The following HERC1 variants were observed in gnomAD, a reference collection of about 807,000 sequenced individuals.
HERC1 encodes the protein HECT and RLD domain containing E3 ubiquitin protein ligase family member 1.
HERC1 carries 160 observed loss-of-function variants against 554.3 expected under a neutral mutation model. The ratio of observed to expected loss-of-function variants is 0.29; its 90% confidence interval spans 0.25 to 0.33. The LOEUF (loss-of-function observed/expected upper bound fraction) is 0.33, where lower values mean the gene tolerates loss of function less well. HERC1 is among the 10% of genes least tolerant of loss of function. The pLI is 1.00. For synonymous variants in HERC1, 2,175 were observed against 2,131.7 expected (o/e 1.02, Z -0.56); for missense variants, 4,919 against 5,918.5 (o/e 0.83, Z 5.54).
chr15:63,670,999 C>T (rs1467470872), intron 39 of HERC1, among the ~76,000 whole-genome samples: 1 of 151,872 alleles, frequency 6.6e-6, no homozygotes, highest in African/African-American at 2.4e-5. Context: ...GTTGGGAGTT[C>T]GAGACCAGCC....
Position 63,720,103 on chromosome 15 carries a change from C to CTTTTTTTTTTTTTTTTTTTTTTTTTTT in HERC1, c.3743-1207_3743-1206insAAAAAAAAAAAAAAAAAAAAAAAAAAA, listed in dbSNP as rs573648232. Among the ~76,000 whole-genome samples the CTTTTTTTTTTTTTTTTTTTTTTTTTTT allele has an allele frequency of 2.6e-3, 184 of 71,578 alleles. 53 individuals are homozygous for CTTTTTTTTTTTTTTTTTTTTTTTTTTT. The highest frequency in any genetic ancestry group is 4.5e-3 in the African/African-American group (74 of 16,602). 47.0% of individuals were successfully genotyped at this position (71,578 alleles called of 152,430 possible). ...GGACTAGTCAGGTGCTTTTTCTTCC[C>CTTTTTTTTTTTTTTTTTTTTTTTTTTT]TTTTTTTTTTTTTTTAAGAGACAGG... On this transcript the variant is annotated intron_variant, in intron 19 of 77. Transcript: ENST00000443617.
intron 45 of HERC1, among the ~76,000 whole-genome samples, chr15:63,661,400 T>C (rs185053042): frequency 1.4e-4 from 21 of 152,272 alleles, no homozygotes; most frequent in Non-Finnish European, 2.6e-4. Flanking sequence ...CAAAAGTCTG[T>C]TTTTTTCATC....
At chr15:63,669,427 T>TA in intron 40 of HERC1, 111 bp downstream of exon 40, 1 of 1,038,678 alleles carries the variant, frequency 9.6e-7, no homozygotes, top group South Asian at 1.5e-5. Context: ...TCCCCTTCAT[T>TA]AAAATCACTG....
chr15:63,707,928 C>CAAAAAAAAAAAA (rs71131176), intron 24 of HERC1, among the ~76,000 whole-genome samples: 3 of 55,206 alleles, frequency 5.4e-5, no homozygotes, highest in African/African-American at 1.9e-4. Context: ...GACTCCCTCT[C>CAAAAAAAAAAAA]AAAAAAAAAA....
In HERC1 at chr15:63,725,319, C is replaced by G; in HGVS notation, c.3541G>C (p.Gly1181Arg). The G allele has an allele frequency of 6.2e-7, 1 of 1,613,810 alleles. No individual in the cohort carries two copies. Among genetic ancestry groups the G allele is most frequent in the Non-Finnish European group, 8.5e-7 (1 of 1,179,812 alleles). Residue 1181 changes from glycine to arginine, a missense_variant, in exon 18 of 78, where the codon GGT becomes CGT. This residue lies in a region of HERC1 where 1,121 missense variants were observed against 1,244.0 expected (regional missense o/e 0.90). Transcript: ENST00000443617. ...YWMKTPLFSD[G>R]VEMDTPQLDK... ...AATTGAGGAGTGTCCATTTCTACAC[C>G]GTCACTGAACAGTGGCGTTTTCATC...
rs996700372 is a variant in HERC1, at chr15:63,669,394, A to G, written c.8206+144T>C. The G allele has an allele frequency of 5.6e-5, 41 of 732,066 alleles. No homozygotes were observed. In the African/African-American group the frequency reaches 6.5e-4, roughly 12 times the overall value. The allele number at this position is 732,066 out of a possible 1,614,324, so 45.3% of individuals were successfully genotyped here. On this transcript the variant is annotated intron_variant, in intron 40 of 77. Transcript: ENST00000443617. ...AATCCACAGCTTCAACATGAAGATC[A>G]TAGCTCAGTTTAATGGGGCAGTTCC...
At chr15:63,689,081 CAA>C (rs1303854540) in intron 33 of HERC1, among the ~76,000 whole-genome samples, 1 of 151,696 alleles carries the variant, frequency 6.6e-6, no homozygotes, top group Admixed American at 6.6e-5. Context: ...AAAGTGGCAC[CAA>C]AAAAGAGTTG....
chr15:63,647,707 T>A (rs959242499), intron 55 of HERC1, among the ~76,000 whole-genome samples: 1 of 152,220 alleles, frequency 6.6e-6, no homozygotes, highest in Admixed American at 6.5e-5. Context: ...GCAACATGGT[T>A]GGAACTGAAG....
intron 3 of HERC1, among the ~76,000 whole-genome samples, chr15:63,763,521 T>C (rs990193840): frequency 1.3e-5 from 2 of 150,278 alleles, no homozygotes; most frequent in Middle Eastern, 3.5e-3. Flanking sequence ...ACAAACATAT[T>C]GAAGGAAAAG....
rs1290521241 is a variant in HERC1, at chr15:63,660,918, CA to C, written c.9223+54del. The C allele has an allele frequency of 2.4e-5, 25 of 1,037,556 alleles. No homozygotes were observed. In the East Asian group the frequency reaches 5.9e-4, roughly 24 times the overall value. The allele number at this position is 1,037,556 out of a possible 1,614,324, so 64.3% of individuals were successfully genotyped here. A position where few individuals can be genotyped will look rare whatever the true frequency, so the allele number is the denominator to read the frequency against. ...GTGAATTTTAGTAACAGATGTTAAGCAGAGAGGATATATAAAAAAACATGTA... is the reference window on the plus strand; with the variant it reads ...GTGAATTTTAGTAACAGATGTTAAGCGAGAGGATATATAAAAAAACATGTA... On this transcript the variant is annotated intron_variant, in intron 46 of 77. Coordinates refer to ENST00000443617, the MANE Select transcript of HERC1 (RefSeq NM_003922.4).
rs1468534114 is a variant in HERC1 at position 63,749,041 on chromosome 15, T to C, written c.2219+326A>G. On this transcript the variant is annotated intron_variant, in intron 10 of 77. Transcript: ENST00000443617. The surrounding 1 kb of genome is among the most constrained non-coding windows in gnomAD (Gnocchi z 4.1). ...TTAAATCAATAAAGCCTAGTTCTGA[T>C]TTTAATTATTTTAATTTCCTCTTGA... is the stretch of plus-strand genomic sequence containing the variant. 1.3e-5 allele frequency among the ~76,000 whole-genome samples: 2 copies of C among 152,158 alleles called. No individual in the cohort carries two copies. Among genetic ancestry groups the C allele is most frequent in the African/African-American group, 2.4e-5 (1 of 41,440 alleles).
chr15:63,663,358 G>A (rs150223831), intron 43 of HERC1, among the ~76,000 whole-genome samples, 154 bp from the exon 44 acceptor site: 57 of 152,326 alleles, frequency 3.7e-4, no homozygotes, highest in African/African-American at 1.3e-3. Context: ...CCTATCACGT[G>A]TGTTTCCTCT....
At chr15:63,654,718 C>T (rs1213026380) in intron 50 of HERC1, among the ~76,000 whole-genome samples, 1 of 150,220 alleles carries the variant, frequency 6.7e-6, no homozygotes, top group Non-Finnish European at 1.5e-5. Context: ...AAAAAATTAG[C>T]CACACCATGG....
chr15:63,685,285 T>G (rs2071689679), intron 34 of HERC1, among the ~76,000 whole-genome samples: 1 of 152,276 alleles, frequency 6.6e-6, no homozygotes, highest in Admixed American at 6.5e-5. Flanking sequence ...TTATTCAGAC[T>G]GAACTGGGAG....
chr15:63,713,610 A>G lies in HERC1; in HGVS notation c.4206T>C (p.Asp1402=). The change falls in exon 23 of 78, where the codon GAT becomes GAC. Residue 1402 remains aspartate (D), a synonymous_variant. Transcript: ENST00000443617. ...AREVARSRDR[D]RMNSGAGSGA... is the part of the protein sequence containing the mutation. The stretch of plus-strand genomic sequence containing the variant: ...CAGACCCTGCCCCACTGTTCATTCT[A>G]TCTCGGTCTCGGCTACGAGCTACTT... 5.6e-6 allele frequency: 9 copies of G among 1,613,550 alleles called. No homozygotes were observed. Among genetic ancestry groups the G allele is most frequent in the African/African-American group, 1.3e-5 (1 of 75,012 alleles).
chr15:63,743,383 TC>T (rs1390957062), intron 12 of HERC1, among the ~76,000 whole-genome samples: 1 of 150,344 alleles, frequency 6.7e-6, no homozygotes, highest in Non-Finnish European at 1.5e-5. Context: ...TGCCTTAGCC[TC>T]CCGAGTAGCT....
At chr15:63,687,944 A>G (rs759602040) in intron 33 of HERC1, among the ~76,000 whole-genome samples, 4 of 152,232 alleles carry the variant, frequency 2.6e-5, no homozygotes, top group African/African-American at 4.8e-5. Flanking sequence ...TGCTTAGACT[A>G]TAGTGAGCAA....
intron 71 of HERC1, among the ~76,000 whole-genome samples, chr15:63,625,693 CAAA>C (rs536157824): frequency 3.6e-5 from 4 of 111,850 alleles, no homozygotes; most frequent in African/African-American, 7.6e-5. Flanking sequence ...GACTCCATCT[CAAA>C]AAAAAAAAAA....
intron 12 of HERC1, among the ~76,000 whole-genome samples, chr15:63,739,933 C>T: frequency 6.7e-6 from 1 of 150,186 alleles, no homozygotes; most frequent in African/African-American, 2.5e-5. Context: ...TTTTTTCAGA[C>T]AGAGTCTCAC....
Sources: allele counts gnomAD v4.1 joint callset (sites outside exome capture counted in the v4.1 genomes callset), GRCh38; gene constraint gnomAD v4.1.1; regional missense constraint gnomAD v4.1.1; non-coding constraint Gnocchi (gnomAD v3.1); transcripts MANE v1.5; gene names NCBI Gene and HGNC (gene_info 2026-07-23, HGNC 2026-07-21).